The following MUC22 variants were observed in gnomAD, a reference collection of about 807,000 sequenced individuals.
The protein encoded by MUC22 is mucin-22.
In MUC22, 24 loss-of-function variants were observed where a neutral mutation model predicts 40.3. The observed-to-expected ratio is 0.60, with a 90% confidence interval of 0.43 to 0.84. The LOEUF (loss-of-function observed/expected upper bound fraction) is 0.84, where lower values mean the gene tolerates loss of function less well. Ranked by LOEUF, MUC22 falls within the 40% of genes least tolerant of loss-of-function variation. The pLI, the probability that MUC22 is intolerant of heterozygous loss-of-function variation, is 0.00. For missense variants in MUC22, 1,926 were observed against 2,130.7 expected (o/e 0.90, Z 1.89); for synonymous variants, 765 against 844.5 (o/e 0.91, Z 1.63).
chr6:31,025,908 C>A (rs1402069689), exon 2 of MUC22: 3 of 1,535,014 alleles, frequency 2.0e-6, no homozygotes, highest in East Asian at 4.9e-5. Flanking sequence ...GCACAACCTC[C>A]ACTGCAGGCT....
chr6:31,022,743 C>T (rs551387599), intron 1 of MUC22, among the ~76,000 whole-genome samples: 5 of 152,086 alleles, frequency 3.3e-5, no homozygotes, highest in African/African-American at 1.2e-4. Context: ...GGGAGGTAGA[C>T]AGTGATAAAG....
exon 2 of MUC22, chr6:31,030,083 C>T: frequency 6.5e-7 from 1 of 1,531,542 alleles, no homozygotes; most frequent in South Asian, 1.2e-5. Context: ...CAGCCCATCA[C>T]CAACACACCT....
chr6:31,008,426 G>C (rs75570972), upstream of MUC22, among the ~76,000 whole-genome samples: 1 of 152,010 alleles, frequency 6.6e-6, no homozygotes, highest in Non-Finnish European at 1.5e-5. Context: ...CTCAGAGGAC[G>C]TGCAGGAAAG....
At chr6:31,017,932 G>A (rs544793628) in intron 1 of MUC22, among the ~76,000 whole-genome samples, 144 of 152,314 alleles carry the variant, frequency 9.5e-4, no homozygotes, top group African/African-American at 3.3e-3. Context: ...TCCACACTGC[G>A]TTTATGAGTT....
At chr6:31,016,368 G>C (rs142977195) in intron 1 of MUC22, among the ~76,000 whole-genome samples, 5,236 of 152,230 alleles carry the variant, frequency 0.034, 176 homozygotes, top group Middle Eastern at 0.048. Flanking sequence ...CAGGGGTAGG[G>C]CCTGTCAACT....
At chr6:31,017,102 G>A (rs545696021) in intron 1 of MUC22, among the ~76,000 whole-genome samples, 4 of 152,336 alleles carry the variant, frequency 2.6e-5, no homozygotes, top group African/African-American at 9.6e-5. Context: ...GGGCTCCTGT[G>A]CAGCCAGAAC....
intron 1 of MUC22, among the ~76,000 whole-genome samples, chr6:31,017,599 C>G (rs1380271116): frequency 1.3e-5 from 2 of 152,166 alleles, no homozygotes; most frequent in Middle Eastern, 6.4e-3. Flanking sequence ...GTAAACATAC[C>G]AATCAGCACC....
Position 31,026,018 on chromosome 6 carries a change from C to G in MUC22, c.587C>G (p.Thr196Ser), listed in dbSNP as rs769803151. 100 of 1,530,340 alleles carry G rather than the reference C, an allele frequency of 6.5e-5. No homozygotes were observed. The Middle Eastern group carries it at 8.3e-4, about 13-fold the overall frequency. 94.8% of individuals were successfully genotyped at this position (1,530,340 alleles called of 1,614,324 possible). ...GTCTCTACCACAGGCTCTGAGACCA[C>G]CACCACCTCCACTGCAAGCTCTGAG... The change falls in exon 2 of 4, where the codon ACC becomes AGC. Residue 196 changes from threonine to serine, a missense_variant. By Grantham distance (58) the Thr-to-Ser change is moderately conservative. Coordinates refer to ENST00000561890, the Ensembl canonical transcript of MUC22.
exon 2 of MUC22, chr6:31,028,070 C>A: frequency 6.5e-7 from 1 of 1,534,728 alleles, no homozygotes; most frequent in African/African-American, 1.4e-5. Context: ...ACAGCCTCTA[C>A]TACAAGCTCT....
At position 31,027,926 on chromosome 6, in the gene MUC22, G is replaced by A. The variant is rs1294650795; in HGVS notation, c.2495G>A (p.Gly832Asp). Reference sequence around the variant, plus strand: ...GAGACCACCACAGACTCTACTGAAGGCTCTGGGACCACTGCAGCCTCCACT... The same window carrying A: ...GAGACCACCACAGACTCTACTGAAGACTCTGGGACCACTGCAGCCTCCACT... The change falls in exon 2 of 4, where the codon GGC (glycine) becomes GAC (aspartate). Residue 832 changes from glycine (G) to aspartate (D), a missense_variant. Gly to Asp is a moderately conservative substitution (Grantham distance 94, BLOSUM62 -1). Coordinates refer to ENST00000561890, the Ensembl canonical transcript of MUC22. 6 of 1,534,768 alleles carry A rather than the reference G, an allele frequency of 3.9e-6. No individual in the cohort carries two copies. The East Asian group carries it at 1.5e-4, about 38-fold the overall frequency.
intron 1 of MUC22, 52 bp from the exon 2 acceptor site, chr6:31,025,450 T>A (rs9262547): frequency 0.13 from 184,011 of 1,445,900 alleles, 12,599 homozygotes; most frequent in African/African-American, 0.19. Context: ...ATACTAAACC[T>A]GCAAATTCAT....
chr6:31,029,122 G>C, exon 2 of MUC22: 3 of 1,532,360 alleles, frequency 2.0e-6, no homozygotes, highest in Non-Finnish European at 2.6e-6. Context: ...GGCCTCTACT[G>C]CAGGCTCAGA....
At chr6:31,012,737 C>T (rs1054241768) in intron 1 of MUC22, among the ~76,000 whole-genome samples, 1 of 152,172 alleles carries the variant, frequency 6.6e-6, no homozygotes, top group African/African-American at 2.4e-5. Flanking sequence ...TCCTGTAGCC[C>T]CATTACAGTG....
chr6:31,032,607 G>C lies in MUC22; in HGVS notation c.5055+26G>C. 6.6e-7 allele frequency: 1 copy of C among 1,512,802 alleles called. No individual in the cohort carries two copies. Among genetic ancestry groups the C allele is most frequent in the Non-Finnish European group, 8.8e-7 (1 of 1,134,104 alleles). 93.7% of individuals were successfully genotyped at this position (1,512,802 alleles called of 1,614,324 possible). ...GTGAGTACCCAGGGTGGGTTCATAG[G>C]GGAGCCTGGCAAGAAGGCAGGGGGG... On this transcript the variant is annotated intron_variant, in intron 3 of 3. Coordinates refer to ENST00000561890, the Ensembl canonical transcript of MUC22. This position sits in a 1 kb window ranked among gnomAD's most constrained non-coding sequence, Gnocchi z 4.1.
rs1765301575 is a variant in MUC22, at chr6:31,026,177, CGG to C, written c.747_748del (p.Ala250IlefsTer6). On this transcript the variant is annotated frameshift_variant, in exon 2 of 4. Coordinates refer to ENST00000561890, the Ensembl canonical transcript of MUC22. LOFTEE classifies it high-confidence loss of function. ...TCAACTGCAGACTCCAAGGTGATCA[CGG>C]CATCCAGCATGAGCTCTGAGACCAC... 2.6e-6 allele frequency: 4 copies of C among 1,523,864 alleles called. No homozygotes were observed. The Admixed American group carries it at 5.9e-5, about 23-fold the overall frequency. The allele number at this position is 1,523,864 out of a possible 1,614,324, so 94.4% of individuals were successfully genotyped here.
intron 2 of MUC22, among the ~76,000 whole-genome samples, chr6:31,031,719 G>A (rs754743915): frequency 3.3e-5 from 5 of 149,968 alleles, no homozygotes; most frequent in Admixed American, 1.3e-4. Context: ...TTATGTCTTC[G>A]TATTTCCATA....
chr6:31,035,072 A>G, exon 4 of MUC22: 1 of 934,418 alleles, frequency 1.1e-6, no homozygotes, highest in Non-Finnish European at 1.6e-6. Context: ...AATAATGATC[A>G]TGAAATAATT....
chr6:31,027,276 C>A (rs1765484986), exon 2 of MUC22: 7 of 1,515,146 alleles, frequency 4.6e-6, no homozygotes, highest in Middle Eastern at 1.7e-4. Context: ...GCTCTGAGAC[C>A]AGCACAGATT....
chr6:31,014,297 C>T (rs1184556121), intron 1 of MUC22, among the ~76,000 whole-genome samples: 1 of 150,888 alleles, frequency 6.6e-6, no homozygotes, highest in Non-Finnish European at 1.5e-5. Context: ...AGAAGTATCC[C>T]TGTCTTTTCC....
Sources: allele counts gnomAD v4.1 joint callset (sites outside exome capture counted in the v4.1 genomes callset), GRCh38; gene constraint gnomAD v4.1.1; non-coding constraint Gnocchi (gnomAD v3.1); transcripts MANE v1.5; gene names NCBI Gene and HGNC (gene_info 2026-07-23, HGNC 2026-07-21).